Variants in NRXN3 observed in about 807,000 individuals in gnomAD.
NRXN3 encodes neurexin III.
NRXN3 carries 32 observed loss-of-function variants against 137.6 expected under a neutral mutation model. The observed-to-expected ratio is 0.23, with a 90% CI of 0.18 to 0.31. The LOEUF is 0.31. NRXN3 is among the 10% of genes least tolerant of loss of function. The pLI, the probability that NRXN3 is intolerant of heterozygous loss-of-function variation, is 1.00. For synonymous variants in NRXN3, 798 were observed against 784.5 expected (o/e 1.02, Z -0.29); for missense variants, 1,574 against 2,062.5 (o/e 0.76, Z 4.59).
chr14:79,550,261 G>A (rs185859016), intron 16 of NRXN3, among the ~76,000 whole-genome samples: 13 of 152,188 alleles, frequency 8.5e-5, no homozygotes, highest in Non-Finnish European at 1.8e-4. Flanking sequence ...GAGCCACCAT[G>A]CCTGGCCTCA....
At chr14:79,461,616 T>A (rs2096342540) in intron 15 of NRXN3, among the ~76,000 whole-genome samples, 1 of 152,214 alleles carries the variant, frequency 6.6e-6, no homozygotes, top group Admixed American at 6.5e-5. Flanking sequence ...AGAAGAGATA[T>A]TTATCAGTTC....
At chr14:78,259,633 T>A (rs899807887) in intron 2 of NRXN3, among the ~76,000 whole-genome samples, 1 of 152,180 alleles carries the variant, frequency 6.6e-6, no homozygotes, top group African/African-American at 2.4e-5. Context: ...GGTTTCTTTA[T>A]CTCTGCCCAG....
At chr14:79,019,928 G>T (rs1485424614) in intron 15 of NRXN3, among the ~76,000 whole-genome samples, 2 of 152,060 alleles carry the variant, frequency 1.3e-5, no homozygotes, top group African/African-American at 4.8e-5. Flanking sequence ...GAAAGACTTG[G>T]TTATGTGTCT....
At chr14:79,527,095 A>G (rs1014331774) in intron 16 of NRXN3, among the ~76,000 whole-genome samples, 21 of 151,890 alleles carry the variant, frequency 1.4e-4, no homozygotes, top group African/African-American at 4.8e-4. Flanking sequence ...GGAGTTCGAG[A>G]CCAGCCTGGC....
chr14:79,246,902 A>T (rs561277407), intron 15 of NRXN3, among the ~76,000 whole-genome samples: 2 of 152,262 alleles, frequency 1.3e-5, no homozygotes, highest in Admixed American at 6.5e-5. Flanking sequence ...TTTGCTAGTG[A>T]TTATTAGTGA....
chr14:79,134,829 T>G (rs1320064630), intron 15 of NRXN3, among the ~76,000 whole-genome samples: 2 of 152,224 alleles, frequency 1.3e-5, no homozygotes, highest in African/African-American at 4.8e-5. Flanking sequence ...CTTTCTGTCT[T>G]TCCCAGACTG....
intron 4 of NRXN3, among the ~76,000 whole-genome samples, chr14:78,465,305 A>C (rs1049962828): frequency 2.0e-5 from 3 of 152,202 alleles, no homozygotes; most frequent in African/African-American, 7.2e-5. Flanking sequence ...AGTATTAAAT[A>C]AATTATGGAA....
At chr14:78,980,105 C>T (rs933380094) in intron 14 of NRXN3, among the ~76,000 whole-genome samples, 13 of 152,132 alleles carry the variant, frequency 8.5e-5, no homozygotes, top group Non-Finnish European at 1.8e-4. Context: ...TAGGTTACAC[C>T]GATAGAGTCT....
chr14:78,801,564 A>C (rs1039214580), intron 8 of NRXN3, among the ~76,000 whole-genome samples: 1 of 152,186 alleles, frequency 6.6e-6, no homozygotes, highest in African/African-American at 2.4e-5. Context: ...AACCACCCCC[A>C]TGATCCAATT....
At chr14:79,391,092 G>A (rs905251646) in intron 15 of NRXN3, among the ~76,000 whole-genome samples, 2 of 152,180 alleles carry the variant, frequency 1.3e-5, no homozygotes, top group Middle Eastern at 3.4e-3. Flanking sequence ...AAATTATCCA[G>A]GCTCAGATAT....
chr14:78,466,351 G>A (rs1462682034), intron 4 of NRXN3, among the ~76,000 whole-genome samples: 3 of 152,198 alleles, frequency 2.0e-5, no homozygotes. Context: ...TGTACAAAGG[G>A]ATAAGGATGG....
At chr14:79,298,002 A>G (rs1196390437) in intron 15 of NRXN3, among the ~76,000 whole-genome samples, 2 of 151,954 alleles carry the variant, frequency 1.3e-5, no homozygotes, top group East Asian at 3.9e-4. Context: ...ATTCAATTAC[A>G]TTTCCCAGTC....
chr14:79,343,005 T>C (rs750385897), intron 15 of NRXN3, among the ~76,000 whole-genome samples: 8 of 152,016 alleles, frequency 5.3e-5, no homozygotes, highest in Non-Finnish European at 8.8e-5. Context: ...AATGGAATCA[T>C]AGGGGGTCGA....
At chr14:78,447,578 T>G (rs1029451117) in intron 4 of NRXN3, among the ~76,000 whole-genome samples, 2 of 152,204 alleles carry the variant, frequency 1.3e-5, no homozygotes, top group African/African-American at 4.8e-5. Context: ...TCATAAAATC[T>G]CATCACCACT....
At chr14:78,918,613 A>G (rs1213991859) in intron 10 of NRXN3, among the ~76,000 whole-genome samples, 1 of 152,214 alleles carries the variant, frequency 6.6e-6, no homozygotes, top group Non-Finnish European at 1.5e-5. Flanking sequence ...CCCTTCCTTC[A>G]GAATTGAGCT....
intron 16 of NRXN3, among the ~76,000 whole-genome samples, chr14:79,616,502 AG>A (rs1190211419): frequency 6.6e-6 from 1 of 152,148 alleles, no homozygotes; most frequent in Non-Finnish European, 1.5e-5. Flanking sequence ...AGGCTCAAGA[AG>A]GAAGAATTTA....
chr14:78,906,113 G>A (rs1045504139), intron 10 of NRXN3, among the ~76,000 whole-genome samples: 2 of 151,852 alleles, frequency 1.3e-5, no homozygotes, highest in South Asian at 2.1e-4. Flanking sequence ...GTTGATTATC[G>A]CACAATCATA....
intron 4 of NRXN3, among the ~76,000 whole-genome samples, chr14:78,453,343 T>G (rs1276838994): frequency 1.3e-5 from 2 of 152,202 alleles, no homozygotes; most frequent in Non-Finnish European, 2.9e-5. Context: ...AACTAAGAAC[T>G]GGAAAATAAG....
chr14:79,729,781 T>C (rs1241858058), intron 19 of NRXN3, among the ~76,000 whole-genome samples: 1 of 152,170 alleles, frequency 6.6e-6, no homozygotes, highest in Non-Finnish European at 1.5e-5. Context: ...GTTTCTTTTA[T>C]TTGGAAACAT....
Sources: gnomAD v4.1 joint callset for allele counts (sites outside exome capture counted in the v4.1 genomes callset) on GRCh38, gnomAD v4.1.1 for gene constraint, MANE v1.5 for transcripts, NCBI Gene and HGNC (gene_info 2026-07-23, HGNC 2026-07-21) for gene names.